Variants in PLA2G4A observed in about 807,000 individuals in gnomAD.
PLA2G4A encodes cytosolic phospholipase A2.
In PLA2G4A, 40 loss-of-function variants were observed where a neutral mutation model predicts 81.9. The ratio of observed to expected loss-of-function variants is 0.49; its 90% CI spans 0.38 to 0.64. PLA2G4A has a LOEUF of 0.64. Ranked by LOEUF, PLA2G4A falls within the 30% of genes least tolerant of loss-of-function variation. The pLI, the probability that PLA2G4A is intolerant of heterozygous loss-of-function variation, is 0.00. For synonymous variants in PLA2G4A, 302 were observed against 296.9 expected, an observed-to-expected ratio of 1.02 and a Z score of -0.18; for missense variants, 715 against 905.1, an observed-to-expected ratio of 0.79 and a Z score of 2.69.
chr1:186,853,875 T>C (rs925936888), intron 1 of PLA2G4A, among the ~76,000 whole-genome samples: 4 of 151,880 alleles, frequency 2.6e-5, no homozygotes, highest in African/African-American at 4.8e-5. Context: ...AAGGTGAAAA[T>C]ATCTTTCTTT....
intron 17 of PLA2G4A, among the ~76,000 whole-genome samples, chr1:186,985,869 C>A (rs1186312895): frequency 6.6e-5 from 10 of 152,062 alleles, no homozygotes; most frequent in Non-Finnish European, 1.2e-4. Flanking sequence ...TTTAAGATGA[C>A]TTCTTGTATA....
chr1:186,894,509 A>G (rs182048411), intron 5 of PLA2G4A, among the ~76,000 whole-genome samples: 2 of 152,324 alleles, frequency 1.3e-5, no homozygotes, highest in African/African-American at 4.8e-5. Context: ...GCAAAATTTA[A>G]TACAAAAAAT....
intron 13 of PLA2G4A, among the ~76,000 whole-genome samples, chr1:186,951,226 T>A (rs976332730): frequency 1.3e-5 from 2 of 152,134 alleles, no homozygotes; most frequent in Non-Finnish European, 2.9e-5. Context: ...AAGAACTTGA[T>A]ACGTATATTA....
chr1:186,879,534 C>T (rs2102077362), intron 3 of PLA2G4A, among the ~76,000 whole-genome samples: 1 of 151,994 alleles, frequency 6.6e-6, no homozygotes, highest in African/African-American at 2.4e-5. Flanking sequence ...TGCTTGGGTT[C>T]AAATCTCCCT....
Position 186,906,955 on chromosome 1 carries a change from C to A in PLA2G4A, c.379-10C>A, listed in dbSNP as rs1046519936. The A allele has an allele frequency of 6.9e-7, 1 of 1,441,578 alleles. No individual in the cohort carries two copies. Among genetic ancestry groups the A allele is most frequent in the Non-Finnish European group, 9.8e-7 (1 of 1,024,252 alleles). 89.3% of individuals were successfully genotyped at this position (1,441,578 alleles called of 1,614,324 possible). ...TTATGACCTAATCTGATTAACATGT[C>A]TTTTTTTAGGTCACTGAAATGGTTC... On this transcript the variant is annotated splice_polypyrimidine_tract_variant and intron_variant, in intron 5 of 17. Transcript: ENST00000367466.
chr1:186,832,639 G>A (rs573133389), intron 1 of PLA2G4A, among the ~76,000 whole-genome samples: 2 of 152,200 alleles, frequency 1.3e-5, no homozygotes, highest in Admixed American at 1.3e-4. Context: ...TTTCTTTGTT[G>A]AACAAAGTTG....
In PLA2G4A at chr1:186,964,749, C is replaced by T. The variant is rs7544607; in HGVS notation, c.1580-660C>T. Among the ~76,000 whole-genome samples, 157 of 152,308 alleles carry T rather than the reference C, an allele frequency of 1.0e-3. 1 individual carries two copies. Among genetic ancestry groups the T allele is most frequent in the African/African-American group, 3.5e-3 (144 of 41,554 alleles). On this transcript the variant is annotated intron_variant, in intron 14 of 17. Transcript: ENST00000367466. ...TTTATTTACTTATTGGAGGTGTACT[C>T]GCAATATGAGCTCTATCAGAGCAGA...
intron 2 of PLA2G4A, among the ~76,000 whole-genome samples, chr1:186,859,348 A>G (rs1462846072): frequency 1.3e-5 from 2 of 152,138 alleles, no homozygotes; most frequent in African/African-American, 2.4e-5. Context: ...AACCTCAAGG[A>G]TTTTTGTGCC....
At chr1:186,840,287 T>G (rs527673992) in intron 1 of PLA2G4A, among the ~76,000 whole-genome samples, 2 of 152,126 alleles carry the variant, frequency 1.3e-5, no homozygotes, top group Admixed American at 1.3e-4. Context: ...TCTACTCCCT[T>G]CAAGTGCATA....
At chr1:186,974,452 G>A (rs1657461460) in intron 15 of PLA2G4A, among the ~76,000 whole-genome samples, 1 of 152,148 alleles carries the variant, frequency 6.6e-6, no homozygotes. Flanking sequence ...CCAAGATCAG[G>A]CCACAGCACT....
chr1:186,830,983 T>C (rs1266807885), intron 1 of PLA2G4A, among the ~76,000 whole-genome samples: 2 of 139,778 alleles, frequency 1.4e-5, no homozygotes, highest in Non-Finnish European at 3.3e-5. Context: ...TCTTTCTTTC[T>C]TTCTTTCTTT....
chr1:186,950,992 G>A (rs1225957680), intron 13 of PLA2G4A, among the ~76,000 whole-genome samples: 1 of 152,162 alleles, frequency 6.6e-6, no homozygotes, highest in African/African-American at 2.4e-5. Context: ...TGGTAGAAAT[G>A]CTGAATTCTA....
At chr1:186,864,111 T>C (rs1329255763) in intron 2 of PLA2G4A, among the ~76,000 whole-genome samples, 3 of 152,184 alleles carry the variant, frequency 2.0e-5, no homozygotes, top group Non-Finnish European at 4.4e-5. Flanking sequence ...TTCATCCCTG[T>C]TGGAACAAAT....
chr1:186,893,561 T>C (rs1654223086), intron 4 of PLA2G4A, among the ~76,000 whole-genome samples: 1 of 152,180 alleles, frequency 6.6e-6, no homozygotes, highest in African/African-American at 2.4e-5. Context: ...GTTTCGTTTT[T>C]GAAAACATGA....
chr1:186,951,529 G>A (rs1237641876), intron 13 of PLA2G4A, among the ~76,000 whole-genome samples: 1 of 151,910 alleles, frequency 6.6e-6, no homozygotes, highest in African/African-American at 2.4e-5. Context: ...ATAAGAACTG[G>A]ATATATCTGT....
intron 15 of PLA2G4A, among the ~76,000 whole-genome samples, chr1:186,972,744 G>A (rs1243084710): frequency 2.6e-5 from 4 of 151,726 alleles, no homozygotes; most frequent in African/African-American, 7.3e-5. Context: ...AAGGAGAGAA[G>A]GAAGAAAGAA....
At chr1:186,968,281 T>C (rs1390828463) in intron 15 of PLA2G4A, among the ~76,000 whole-genome samples, 2 of 152,090 alleles carry the variant, frequency 1.3e-5, no homozygotes, top group Non-Finnish European at 2.9e-5. Context: ...TGACTCATTA[T>C]TTGTGATTAA....
intron 12 of PLA2G4A, among the ~76,000 whole-genome samples, chr1:186,947,927 G>A (rs1437497771): frequency 6.6e-6 from 1 of 152,142 alleles, no homozygotes; most frequent in African/African-American, 2.4e-5. Flanking sequence ...AAAGCTTCCT[G>A]CAGGAATTTT....
At chr1:186,914,525 A>G (rs1655073114) in intron 7 of PLA2G4A, among the ~76,000 whole-genome samples, 1 of 152,074 alleles carries the variant, frequency 6.6e-6, no homozygotes, top group Non-Finnish European at 1.5e-5. Context: ...CACAACTCTA[A>G]GGGGGTCAGC....
Sources: gnomAD v4.1 joint callset for allele counts (sites outside exome capture counted in the v4.1 genomes callset) on GRCh38, gnomAD v4.1.1 for gene constraint, MANE v1.5 for transcripts, NCBI Gene and HGNC (gene_info 2026-07-23, HGNC 2026-07-21) for gene names.